Variants in AFG2A observed in about 807,000 individuals in gnomAD.
AFG2A encodes the protein ATPase family gene 2 protein homolog A.
chr4:123,147,414 G>A, the AFG2A span, among the ~76,000 whole-genome samples: 1 of 151,926 alleles, frequency 6.6e-6, no homozygotes, highest in South Asian at 2.1e-4. Flanking sequence ...TATTAAACTG[G>A]TACTCAGTAC....
At chr4:123,156,382 T>C in the AFG2A span, among the ~76,000 whole-genome samples, 2 of 152,198 alleles carry the variant, frequency 1.3e-5, no homozygotes, top group African/African-American at 4.8e-5. Flanking sequence ...CTATTCTCTA[T>C]GCTGTAGCTT....
chr4:123,167,725 C>T, the AFG2A span, among the ~76,000 whole-genome samples: 1 of 152,166 alleles, frequency 6.6e-6, no homozygotes, highest in Non-Finnish European at 1.5e-5. Flanking sequence ...AATATACCTA[C>T]AAATTCCAGT....
At chr4:123,232,448 T>C in the AFG2A span, among the ~76,000 whole-genome samples, 1 of 151,846 alleles carries the variant, frequency 6.6e-6, no homozygotes, top group Non-Finnish European at 1.5e-5. Context: ...CTGCTGAAAA[T>C]TAGGGCAAGA....
chr4:123,091,944 A>G, the AFG2A span, among the ~76,000 whole-genome samples: 2 of 152,202 alleles, frequency 1.3e-5, no homozygotes, highest in Non-Finnish European at 2.9e-5. Context: ...CAGTTTTAAA[A>G]GATGTGATTT....
chr4:123,122,034 A>G, the AFG2A span, among the ~76,000 whole-genome samples: 1 of 151,926 alleles, frequency 6.6e-6, no homozygotes, highest in African/African-American at 2.4e-5. Context: ...CACTCTCCCA[A>G]TTTCCCTGCT....
At chr4:123,115,470 C>T in the AFG2A span, among the ~76,000 whole-genome samples, 2 of 152,136 alleles carry the variant, frequency 1.3e-5, no homozygotes, top group Admixed American at 1.3e-4. Flanking sequence ...CCCCACACCC[C>T]TGAAGTACGG....
chr4:123,316,335 A>G, the AFG2A span: 2 of 152,348 alleles, frequency 1.3e-5, no homozygotes, highest in East Asian at 3.9e-4. Flanking sequence ...GCCACATTTC[A>G]AATGCTCAAT....
At chr4:122,956,783 T>G in the AFG2A span, among the ~76,000 whole-genome samples, 2 of 152,152 alleles carry the variant, frequency 1.3e-5, no homozygotes, top group Admixed American at 6.5e-5. Context: ...GAAAATATGT[T>G]TGGTTTTGTG....
chr4:123,248,603 C>T, the AFG2A span, among the ~76,000 whole-genome samples: 1 of 152,150 alleles, frequency 6.6e-6, no homozygotes, highest in Non-Finnish European at 1.5e-5. Flanking sequence ...TGCAGACAAG[C>T]ATGTTTCTTC....
At chr4:122,932,960 C>T in the AFG2A span, among the ~76,000 whole-genome samples, 1 of 152,188 alleles carries the variant, frequency 6.6e-6, no homozygotes, top group Non-Finnish European at 1.5e-5. Context: ...TAGTTTAGGT[C>T]AGCATTTTAA....
the AFG2A span, among the ~76,000 whole-genome samples, chr4:123,138,678 C>T: frequency 6.6e-6 from 1 of 151,856 alleles, no homozygotes; most frequent in African/African-American, 2.4e-5. Context: ...TAACAGCGTA[C>T]ACTTAACATT....
At chr4:123,225,223 T>C in the AFG2A span, among the ~76,000 whole-genome samples, 3,542 of 152,180 alleles carry the variant, frequency 0.023, 71 homozygotes, top group African/African-American at 0.055. Context: ...TATTAGATCC[T>C]ATTTGTCAAT....
At chr4:123,103,300 A>T in the AFG2A span, among the ~76,000 whole-genome samples, 1 of 152,062 alleles carries the variant, frequency 6.6e-6, no homozygotes, top group Non-Finnish European at 1.5e-5. Context: ...AGGACTGGGG[A>T]GCGGAGAGCA....
At chr4:123,279,470 G>A in the AFG2A span, among the ~76,000 whole-genome samples, 2 of 152,042 alleles carry the variant, frequency 1.3e-5, no homozygotes, top group Non-Finnish European at 2.9e-5. Flanking sequence ...ATACAAGTTG[G>A]AAGTATAGCA....
chr4:123,231,237 T>C, the AFG2A span, among the ~76,000 whole-genome samples: 8 of 152,156 alleles, frequency 5.3e-5, no homozygotes, highest in East Asian at 1.4e-3. Flanking sequence ...TGTTGTTTAG[T>C]GTGGCCACCT....
the AFG2A span, among the ~76,000 whole-genome samples, chr4:123,311,477 A>T: frequency 1.3e-5 from 2 of 151,942 alleles, no homozygotes; most frequent in African/African-American, 4.8e-5. Flanking sequence ...AATACAAAAA[A>T]CTAGCCAGGC....
At chr4:123,214,235 TAC>T in the AFG2A span, among the ~76,000 whole-genome samples, 1 of 152,262 alleles carries the variant, frequency 6.6e-6, no homozygotes, top group Non-Finnish European at 1.5e-5. Context: ...TAATATCAAA[TAC>T]ATTTATTTTT....
At chr4:123,184,466 TATG>T in the AFG2A span, among the ~76,000 whole-genome samples, 2 of 151,942 alleles carry the variant, frequency 1.3e-5, no homozygotes, top group African/African-American at 4.8e-5. Context: ...GGAATTGTTC[TATG>T]ATATTTCTGC....
the AFG2A span, among the ~76,000 whole-genome samples, chr4:123,019,438 C>G: frequency 6.6e-6 from 1 of 152,092 alleles, no homozygotes; most frequent in Non-Finnish European, 1.5e-5. Flanking sequence ...CTAGAAGGTC[C>G]TACACCAAAA....
Sources: allele counts gnomAD v4.1 joint callset (sites outside exome capture counted in the v4.1 genomes callset), GRCh38; gene constraint gnomAD v4.1.1; transcripts MANE v1.5; gene names NCBI Gene and HGNC (gene_info 2026-07-23, HGNC 2026-07-21).